CCDC171: variants seen among roughly 807,000 people sequenced by gnomAD.
CCDC171 encodes coiled-coil domain containing 171.
A neutral mutation model predicts 168.2 loss-of-function variants in CCDC171; 177 were observed. The ratio of observed to expected loss-of-function variants is 1.05; its 90% CI spans 0.93 to 1.19. CCDC171 has a LOEUF of 1.19. Ranked by LOEUF, CCDC171 falls within the 50% of genes most tolerant of loss-of-function variation. The probability of loss-of-function intolerance (pLI) is 0.00; values close to 1 mark genes in which losing one functional copy is unlikely to be tolerated. For missense variants in CCDC171, 1,991 were observed against 1,539.0 expected, an observed-to-expected ratio of 1.29 and a Z score of -4.91; for synonymous variants, 687 against 540.8, an observed-to-expected ratio of 1.27 and a Z score of -3.75.
chr9:16,071,733 C>T, the CCDC171 span, among the ~76,000 whole-genome samples: 3 of 152,310 alleles, frequency 2.0e-5, no homozygotes, highest in Admixed American at 2.0e-4. Flanking sequence ...GTCTGGCCCC[C>T]TAGAGTGAAT....
chr9:16,049,846 T>C (rs1175888999), intron 1 of CCDC171, among the ~76,000 whole-genome samples: 1 of 152,170 alleles, frequency 6.6e-6, no homozygotes, highest in East Asian at 1.9e-4. Flanking sequence ...CTGACTAATA[T>C]AGATTTGATA....
chr9:15,578,084 A>G lies in CCDC171; in HGVS notation c.178-765A>G, dbSNP rs191113918. On this transcript the variant is annotated intron_variant, in intron 3 of 25. Transcript: ENST00000380701. ...ATATCATAATCAAGAGAAATAATAC[A>G]GACAATATTTATTAAACTATACTTT... is the stretch of plus-strand genomic sequence containing the variant. Among the ~76,000 whole-genome samples the G allele has an allele frequency of 3.3e-5, 5 of 152,326 alleles. No individual in the cohort carries two copies. In the East Asian group the frequency reaches 5.8e-4, roughly 18 times the overall value.
intron 6 of CCDC171, among the ~76,000 whole-genome samples, chr9:15,611,654 C>T (rs1055529567): frequency 1.3e-5 from 2 of 152,044 alleles, no homozygotes; most frequent in African/African-American, 2.4e-5. Flanking sequence ...CTTTTCATAT[C>T]GTCAGAACCT....
At chr9:16,077,665 A>G in the CCDC171 span, among the ~76,000 whole-genome samples, 1 of 152,192 alleles carries the variant, frequency 6.6e-6, no homozygotes, top group African/African-American at 2.4e-5. Context: ...AGCCTACATC[A>G]GCAGCCAAAC....
intron 24 of CCDC171, among the ~76,000 whole-genome samples, chr9:15,901,395 A>G (rs563955494): frequency 6.6e-6 from 1 of 152,304 alleles, no homozygotes; most frequent in Middle Eastern, 3.4e-3. Context: ...TAAATGTACC[A>G]CTTTGTAGGA....
At chr9:15,572,310 G>GT (rs1563962564) in intron 3 of CCDC171, among the ~76,000 whole-genome samples, 1 of 152,030 alleles carries the variant, frequency 6.6e-6, no homozygotes, top group Non-Finnish European at 1.5e-5. Context: ...TCTCTGCTGT[G>GT]TTTTTTCTCC....
chr9:15,709,695 T>C (rs2052510836), intron 11 of CCDC171, among the ~76,000 whole-genome samples: 1 of 152,152 alleles, frequency 6.6e-6, no homozygotes, highest in South Asian at 2.1e-4. Flanking sequence ...AAAGGAAAAA[T>C]GTGTTACCTA....
chr9:15,597,183 T>C (rs904555650), intron 6 of CCDC171, among the ~76,000 whole-genome samples: 1 of 152,100 alleles, frequency 6.6e-6, no homozygotes, highest in Non-Finnish European at 1.5e-5. Context: ...CAACACTATG[T>C]TGAATGGGAG....
intron 3 of CCDC171, among the ~76,000 whole-genome samples, chr9:15,575,500 A>G (rs958756257): frequency 1.3e-5 from 2 of 152,302 alleles, no homozygotes; most frequent in Middle Eastern, 3.4e-3. Context: ...GCCAAAAAAT[A>G]CTGGAAACTT....
chr9:15,824,487 C>A (rs2136150093), intron 21 of CCDC171, among the ~76,000 whole-genome samples: 1 of 152,062 alleles, frequency 6.6e-6, no homozygotes, highest in Non-Finnish European at 1.5e-5. Context: ...TCCCTTTCAA[C>A]AGTTAGTGGT....
At chr9:15,928,051 A>G (rs1260511724) in intron 25 of CCDC171, among the ~76,000 whole-genome samples, 1 of 151,626 alleles carries the variant, frequency 6.6e-6, no homozygotes, top group Non-Finnish European at 1.5e-5. Context: ...CTGGAGTTCA[A>G]CTCCCTGGCT....
At position 15,623,384 on chromosome 9, in the gene CCDC171, C is replaced by A; in HGVS notation, c.793C>A (p.Arg265=). 1 of 1,604,712 alleles carries A rather than the reference C, an allele frequency of 6.2e-7. No homozygotes were observed. Among genetic ancestry groups the A allele is most frequent in the Non-Finnish European group, 8.5e-7 (1 of 1,174,342 alleles). Residue 265 remains arginine (R), a synonymous_variant, in exon 7 of 26, where the codon CGA becomes AGA. Transcript: ENST00000380701. ...AAGTGAACTTGAATTTAGCACTCAA[C>A]GAGAGGAACGCCTTAGAAAAGAATT... The part of the protein sequence containing the change: ...QTSELEFSTQ[R]EERLRKEFEA...
the CCDC171 span, among the ~76,000 whole-genome samples, chr9:16,090,505 T>G: frequency 2.6e-5 from 4 of 152,316 alleles, no homozygotes; most frequent in African/African-American, 9.6e-5. Context: ...CCATGGCACG[T>G]GTATACCCAT....
At chr9:15,911,164 G>T (rs1823572911) in intron 24 of CCDC171, among the ~76,000 whole-genome samples, 1 of 152,012 alleles carries the variant, frequency 6.6e-6, no homozygotes, top group Admixed American at 6.6e-5. Flanking sequence ...CCCCACCAAT[G>T]GTGTAAAAGT....
intron 11 of CCDC171, among the ~76,000 whole-genome samples, chr9:15,719,428 GA>G (rs2053316265): frequency 7.2e-6 from 1 of 138,128 alleles, no homozygotes; most frequent in Non-Finnish European, 1.6e-5. Context: ...GAGAGAGAGA[GA>G]GAGAGAGAGA....
At chr9:16,035,298 G>T (rs1474462992) in intron 6 of CCDC171, among the ~76,000 whole-genome samples, 1 of 152,158 alleles carries the variant, frequency 6.6e-6, no homozygotes, top group Non-Finnish European at 1.5e-5. Flanking sequence ...GACATTATTA[G>T]ATATAAAAAA....
At chr9:15,828,775 CTG>C (rs141321250) in intron 21 of CCDC171, among the ~76,000 whole-genome samples, 6,405 of 152,224 alleles carry the variant, frequency 0.042, 307 homozygotes, top group African/African-American at 0.11. Flanking sequence ...AGAATGAAAA[CTG>C]TTTTTTCAAA....
chr9:15,578,740 T>A (rs925297605), intron 3 of CCDC171, 109 bp from the exon 4 acceptor site: 9 of 651,788 alleles, frequency 1.4e-5, no homozygotes, highest in Non-Finnish European at 2.2e-5. Context: ...ATTTATAAAT[T>A]TTTGCCTTGT....
intron 21 of CCDC171, among the ~76,000 whole-genome samples, chr9:15,824,647 A>T (rs1444440178): frequency 1.2e-4 from 18 of 152,122 alleles, no homozygotes. Flanking sequence ...AGATGAACAG[A>T]ACAACGTATA....
Sources: gnomAD v4.1 joint callset for allele counts (sites outside exome capture counted in the v4.1 genomes callset) on GRCh38, gnomAD v4.1.1 for gene constraint, MANE v1.5 for transcripts, NCBI Gene and HGNC (gene_info 2026-07-23, HGNC 2026-07-21) for gene names.